Variants in UGT1A6 observed in about 807,000 individuals in gnomAD.
UGT1A6 encodes the protein UDP-glucuronosyltransferase 1A6.
UGT1A6 carries 32 observed loss-of-function variants against 44.4 expected under a neutral mutation model. That is an observed-to-expected ratio of 0.72 (90% CI 0.54 to 0.97). The LOEUF is 0.97. Among genes scored for constraint, UGT1A6 ranks in the 50% least tolerant of loss-of-function variants. The probability of loss-of-function intolerance (pLI) is 0.00; values close to 1 mark genes in which losing one functional copy is unlikely to be tolerated. For synonymous variants in UGT1A6, 238 were observed against 248.5 expected, an observed-to-expected ratio of 0.96 and a Z score of 0.40; for missense variants, 685 against 661.9, an observed-to-expected ratio of 1.03 and a Z score of -0.38.
At chr2:233,751,152 G>T (rs1694652317) in intron 1 of UGT1A6, among the ~76,000 whole-genome samples, 1 of 151,956 alleles carries the variant, frequency 6.6e-6, no homozygotes, top group Non-Finnish European at 1.5e-5. Flanking sequence ...GCCCACTTCT[G>T]GCATCAGCAT....
intron 1 of UGT1A6, among the ~76,000 whole-genome samples, chr2:233,746,735 T>A (rs1693464180): frequency 6.6e-6 from 1 of 151,806 alleles, no homozygotes; most frequent in African/African-American, 2.4e-5. Context: ...GGATTCTGCT[T>A]TGGTTCCAAA....
At chr2:233,748,322 T>C (rs905546123) in intron 1 of UGT1A6, among the ~76,000 whole-genome samples, 5 of 151,864 alleles carry the variant, frequency 3.3e-5, no homozygotes, top group African/African-American at 4.9e-5. Context: ...CTAGGACTGA[T>C]GTGACTCATG....
chr2:233,749,529 C>T (rs575946575), intron 1 of UGT1A6, among the ~76,000 whole-genome samples: 6 of 151,916 alleles, frequency 3.9e-5, no homozygotes, highest in African/African-American at 9.7e-5. Context: ...GGCTAATTTT[C>T]GAGTGTGGTA....
intron 1 of UGT1A6, among the ~76,000 whole-genome samples, chr2:233,704,467 C>T (rs2075790222): frequency 6.6e-6 from 1 of 151,994 alleles, no homozygotes; most frequent in South Asian, 2.1e-4. Flanking sequence ...GCTCTATTTC[C>T]TTTCTCCCCT....
intron 1 of UGT1A6, among the ~76,000 whole-genome samples, chr2:233,698,597 G>T (rs966031058): frequency 6.6e-6 from 1 of 152,070 alleles, no homozygotes; most frequent in East Asian, 1.9e-4. Flanking sequence ...CAAGAAATTC[G>T]GATTAATAAA....
In UGT1A6 at chr2:233,729,997, T is replaced by G; in HGVS notation, c.861+36132T>G. On this transcript the variant is annotated intron_variant, in intron 1 of 4. Transcript: ENST00000305139. ...CAACAGGAAGCCACTATCTCAGGTC[T>G]GTATTGGTGCCTTCATCCAATCAAT... is the stretch of plus-strand genomic sequence containing the variant. 3 of 1,614,024 alleles carry G rather than the reference T, an allele frequency of 1.9e-6. No individual in the cohort carries two copies. The South Asian group carries it at 3.3e-5, about 18-fold the overall frequency.
chr2:233,751,768 A>C lies in UGT1A6; in HGVS notation c.862-15266A>C, dbSNP rs142654727. Among the ~76,000 whole-genome samples, 1,484 of 152,208 alleles carry C rather than the reference A, an allele frequency of 9.7e-3. 20 individuals carry two copies. The highest frequency in any genetic ancestry group is 0.034 in the African/African-American group (1,414 of 41,516). On this transcript the variant is annotated intron_variant, in intron 1 of 4. Coordinates refer to ENST00000305139, the MANE Select transcript of UGT1A6 (RefSeq NM_001072.4). ...CTTGCTTGCTGCCATGTGAGACATGACTTTGCTTATCTCTCACCTTCTGTC... is the reference window on the plus strand; with the variant it reads ...CTTGCTTGCTGCCATGTGAGACATGCCTTTGCTTATCTCTCACCTTCTGTC...
intron 1 of UGT1A6, among the ~76,000 whole-genome samples, chr2:233,702,877 C>G (rs7420193): frequency 0.12 from 18,416 of 152,098 alleles, 1,310 homozygotes; most frequent in South Asian, 0.2. Context: ...TTATTGAGGA[C>G]TTTTGCATCA....
At chr2:233,703,034 T>A (rs1194366315) in intron 1 of UGT1A6, among the ~76,000 whole-genome samples, 1 of 152,240 alleles carries the variant, frequency 6.6e-6, no homozygotes, top group East Asian at 1.9e-4. Context: ...GTATTCATTC[T>A]TTACATATTT....
chr2:233,760,326 G>T, intron 1 of UGT1A6: 1 of 1,614,028 alleles, frequency 6.2e-7, no homozygotes, highest in Non-Finnish European at 8.5e-7. Flanking sequence ...CACTTGTCCT[G>T]GGCCTGCTGC....
intron 1 of UGT1A6, among the ~76,000 whole-genome samples, chr2:233,710,642 A>G (rs1302570147): frequency 6.6e-6 from 1 of 152,158 alleles, no homozygotes; most frequent in Non-Finnish European, 1.5e-5. Context: ...TTCTTTACAT[A>G]TTCTGGATAC....
intron 1 of UGT1A6, among the ~76,000 whole-genome samples, chr2:233,749,910 CTG>C: frequency 6.6e-6 from 1 of 152,052 alleles, no homozygotes; most frequent in Non-Finnish European, 1.5e-5. Context: ...CCACCTGGAA[CTG>C]TGAGTCAATT....
chr2:233,773,279 T>G lies in UGT1A6; in HGVS notation c.*720T>G, dbSNP rs1468042895. 1 of 152,208 alleles carries G rather than the reference T, an allele frequency of 6.6e-6. No homozygotes were observed. Among genetic ancestry groups the G allele is most frequent in the African/African-American group, 2.4e-5 (1 of 41,464 alleles). 9.4% of individuals were successfully genotyped at this position (152,208 alleles called of 1,614,324 possible). On this transcript the variant is annotated 3_prime_UTR_variant, in exon 5 of 5. Transcript: ENST00000305139. ...ATGTTTCCTACAACTAAAAATAAATTAATAAATTTATATAAATTCTATTTA... is the reference window on the plus strand; with the variant it reads ...ATGTTTCCTACAACTAAAAATAAATGAATAAATTTATATAAATTCTATTTA...
At chr2:233,731,770 T>C (rs1223640583) in intron 1 of UGT1A6, among the ~76,000 whole-genome samples, 2 of 152,114 alleles carry the variant, frequency 1.3e-5, no homozygotes, top group Non-Finnish European at 2.9e-5. Context: ...CTTAGAGTAG[T>C]ATCATTTATA....
At chr2:233,766,252 C>T (rs1204251588) in intron 1 of UGT1A6, among the ~76,000 whole-genome samples, 7 of 151,626 alleles carry the variant, frequency 4.6e-5, no homozygotes, top group South Asian at 2.1e-4. Flanking sequence ...GGAGTCAGAC[C>T]GCTCAGTGGC....
chr2:233,724,329 G>A (rs1291101719), intron 1 of UGT1A6, among the ~76,000 whole-genome samples: 36 of 143,834 alleles, frequency 2.5e-4, no homozygotes, highest in African/African-American at 9.0e-4. Context: ...GGCTGGCCAG[G>A]CGGGGGGCTG....
At chr2:233,728,999 G>A in intron 1 of UGT1A6, 10 of 1,561,322 alleles carry the variant, frequency 6.4e-6, no homozygotes, top group Non-Finnish European at 8.7e-6. Flanking sequence ...ACTAGAGGAG[G>A]GCACTCTGTC....
At chr2:233,733,123 G>A (rs1024576772) in intron 1 of UGT1A6, among the ~76,000 whole-genome samples, 1 of 152,178 alleles carries the variant, frequency 6.6e-6, no homozygotes. Context: ...TGTTATTGGT[G>A]TATAGGAATG....
chr2:233,713,648 C>T (rs17863790), intron 1 of UGT1A6: 157,940 of 1,613,756 alleles, frequency 0.098, 8,753 homozygotes, highest in South Asian at 0.2. Flanking sequence ...ACCCTCTGGC[C>T]CTGTCCTACC....
Sources: allele counts gnomAD v4.1 joint callset (sites outside exome capture counted in the v4.1 genomes callset), GRCh38; gene constraint gnomAD v4.1.1; transcripts MANE v1.5; gene names NCBI Gene and HGNC (gene_info 2026-07-23, HGNC 2026-07-21).